The following ZNF536 variants were observed in gnomAD, a reference collection of about 807,000 sequenced individuals.
The protein encoded by ZNF536 is zinc finger protein 536.
ZNF536 carries 13 observed loss-of-function variants against 84.5 expected under a neutral mutation model. The observed-to-expected ratio is 0.15, with a 90% CI of 0.10 to 0.24. The LOEUF (loss-of-function observed/expected upper bound fraction) is 0.24. ZNF536 is among the 10% of genes least tolerant of loss of function. The pLI is 1.00. For synonymous variants in ZNF536, 811 were observed against 742.5 expected, an observed-to-expected ratio of 1.09 and a Z score of -1.50; for missense variants, 1,536 against 1,747.5, an observed-to-expected ratio of 0.88 and a Z score of 2.16.
chr19:30,285,618 G>A (rs56312030), intron 2 of ZNF536, among the ~76,000 whole-genome samples: 35,328 of 152,050 alleles, frequency 0.23, 5,031 homozygotes, highest in East Asian at 0.54. Flanking sequence ...GCTTTAAACC[G>A]CTTCCCCAGA....
chr19:30,433,486 T>A (rs982937209), intron 1 of ZNF536, among the ~76,000 whole-genome samples: 9 of 151,826 alleles, frequency 5.9e-5, no homozygotes, highest in African/African-American at 2.2e-4. Flanking sequence ...AACAGGAGCA[T>A]TTGTTTGTTT....
intron 2 of ZNF536, among the ~76,000 whole-genome samples, chr19:30,286,450 G>T (rs2045629077): frequency 6.6e-6 from 1 of 152,014 alleles, no homozygotes; most frequent in Admixed American, 6.6e-5. Context: ...CTTAGGGCTA[G>T]AGGGTGGGGG....
chr19:30,244,948 A>G (rs2024167719), intron 1 of ZNF536, among the ~76,000 whole-genome samples: 1 of 152,218 alleles, frequency 6.6e-6, no homozygotes, highest in Admixed American at 6.5e-5. Flanking sequence ...GCTAGGAGAC[A>G]AAAGTCCACT....
chr19:30,227,151 G>C (rs987462039), upstream of ZNF536, among the ~76,000 whole-genome samples: 1 of 151,698 alleles, frequency 6.6e-6, no homozygotes, highest in Admixed American at 6.7e-5. Context: ...ACGCGGGGAA[G>C]TTAGGGAAAA....
intron 2 of ZNF536, among the ~76,000 whole-genome samples, chr19:30,512,454 C>A (rs1434665707): frequency 6.6e-6 from 1 of 152,122 alleles, no homozygotes; most frequent in East Asian, 1.9e-4. Context: ...GTGGCTGTTT[C>A]ATCTTGCAAA....
intron 3 of ZNF536, among the ~76,000 whole-genome samples, chr19:30,357,411 G>T (rs906184824): frequency 6.6e-6 from 1 of 152,094 alleles, no homozygotes; most frequent in Non-Finnish European, 1.5e-5. Context: ...GATGGGTGGG[G>T]TGGAGGGCCT....
At chr19:30,256,302 T>C (rs1469845601) in intron 1 of ZNF536, among the ~76,000 whole-genome samples, 1 of 152,240 alleles carries the variant, frequency 6.6e-6, no homozygotes, top group Non-Finnish European at 1.5e-5. Flanking sequence ...ATGCGATTCC[T>C]CATTTTTCCT....
chr19:30,527,390 C>T (rs1286036907), intron 2 of ZNF536, among the ~76,000 whole-genome samples: 2 of 151,956 alleles, frequency 1.3e-5, no homozygotes, highest in Non-Finnish European at 2.9e-5. Context: ...CTCTCTATCT[C>T]ACGTGTCCCA....
At chr19:30,488,947 A>C (rs1418347274) in intron 2 of ZNF536, among the ~76,000 whole-genome samples, 2 of 152,190 alleles carry the variant, frequency 1.3e-5, no homozygotes, top group Non-Finnish European at 2.9e-5. Context: ...GAAGCATTAG[A>C]GTCTCTTTAA....
chr19:30,414,681 G>A (rs930166041), intron 1 of ZNF536, among the ~76,000 whole-genome samples: 7 of 152,006 alleles, frequency 4.6e-5, no homozygotes, highest in African/African-American at 1.2e-4. Context: ...AATGATCTGT[G>A]ATTTTAATTC....
intron 2 of ZNF536, among the ~76,000 whole-genome samples, chr19:30,284,887 A>G (rs775124556): frequency 3.9e-5 from 6 of 152,100 alleles, no homozygotes; most frequent in Non-Finnish European, 7.4e-5. Flanking sequence ...TTTTATTGTG[A>G]CTTTATCTTG....
Position 30,441,977 on chromosome 19 carries a change from G to A in ZNF536, c.-2-1584G>A, listed in dbSNP as rs573421325. ...GGCTGCCTGTGCTTCCTCCACAGTT[G>A]AGCTCTGTCCCCATAGGTCTCCCTG... On this transcript the variant is annotated intron_variant, in intron 1 of 4. Coordinates refer to ENST00000355537, the MANE Select transcript of ZNF536 (RefSeq NM_014717.3). 1.1e-3 allele frequency among the ~76,000 whole-genome samples: 172 copies of A among 152,346 alleles called. 1 individual carries two copies. The highest frequency in any genetic ancestry group is 0.01 in the Middle Eastern group (3 of 294).
At chr19:30,576,577 A>G (rs921434234) in intron 1 of ZNF536, among the ~76,000 whole-genome samples, 3 of 152,184 alleles carry the variant, frequency 2.0e-5, no homozygotes, top group Admixed American at 2.0e-4. Flanking sequence ...AGTGGCGCTC[A>G]TGTCTGATAC....
chr19:30,409,320 A>G (rs964772767), intron 1 of ZNF536, among the ~76,000 whole-genome samples: 3 of 152,336 alleles, frequency 2.0e-5, no homozygotes, highest in South Asian at 2.1e-4. Context: ...CAGCAGGCCT[A>G]TGAGATTCAG....
chr19:30,374,690 G>GCT (rs1555734596), intron 1 of ZNF536, among the ~76,000 whole-genome samples: 2 of 150,290 alleles, frequency 1.3e-5, no homozygotes, highest in African/African-American at 4.9e-5. Flanking sequence ...ACTGAGTGTT[G>GCT]TTTTTTTTTC....
intron 2 of ZNF536, among the ~76,000 whole-genome samples, chr19:30,339,861 C>T (rs2047508023): frequency 6.6e-6 from 1 of 152,182 alleles, no homozygotes; most frequent in Non-Finnish European, 1.5e-5. Flanking sequence ...AGGGTGGGCT[C>T]CTCTGGAATC....
In ZNF536 at chr19:30,606,352, T is replaced by A. The variant is rs974747196; in HGVS notation, c.169+56838T>A. Among the ~76,000 whole-genome samples the A allele has an allele frequency of 2.6e-5, 4 of 151,710 alleles. No individual in the cohort carries two copies. In the South Asian group the frequency reaches 8.4e-4, roughly 32 times the overall value. ...TGCCTGCAAGGACACACACACCTCT[T>A]AAGGCTTTGAAAGGGACCTCCTCCT... is the stretch of plus-strand genomic sequence containing the variant. On this transcript the variant is annotated intron_variant, in intron 1 of 1. Transcript: ENST00000592773.
At chr19:30,397,265 C>G (rs2049862815) in intron 1 of ZNF536, among the ~76,000 whole-genome samples, 1 of 152,200 alleles carries the variant, frequency 6.6e-6, no homozygotes, top group African/African-American at 2.4e-5. Flanking sequence ...TGGAAAGACT[C>G]TCTCTGGCAT....
intron 2 of ZNF536, among the ~76,000 whole-genome samples, chr19:30,346,957 C>T (rs575454797): frequency 8.5e-5 from 13 of 152,312 alleles, no homozygotes; most frequent in Non-Finnish European, 1.6e-4. Flanking sequence ...TTTACACTTC[C>T]ACCAGCAGTG....
Sources: gnomAD v4.1 joint callset for allele counts (sites outside exome capture counted in the v4.1 genomes callset) on GRCh38, gnomAD v4.1.1 for gene constraint, MANE v1.5 for transcripts, NCBI Gene and HGNC (gene_info 2026-07-23, HGNC 2026-07-21) for gene names.